The following AOAH variants were observed in gnomAD, a reference collection of about 807,000 sequenced individuals.
AOAH encodes acyloxyacyl hydrolase (neutrophil).
Under a neutral mutation model 92.2 loss-of-function variants are expected in AOAH, and 64 were observed. That is an observed-to-expected ratio of 0.69 (90% CI 0.57 to 0.86). The LOEUF is 0.86. Among genes scored for constraint, AOAH ranks in the 40% least tolerant of loss-of-function variants. AOAH has a pLI of 0.00. For missense variants in AOAH, 656 were observed against 694.6 expected, an observed-to-expected ratio of 0.94 and a Z score of 0.62; for synonymous variants, 263 against 254.5, an observed-to-expected ratio of 1.03 and a Z score of -0.32.
At chr7:36,621,415 A>AT in intron 8 of AOAH, among the ~76,000 whole-genome samples, 1 of 152,316 alleles carries the variant, frequency 6.6e-6, no homozygotes, top group African/African-American at 2.4e-5. Context: ...TAATCTGTTC[A>AT]CTTGATTGTT....
At chr7:36,723,980 G>T in intron 1 of AOAH, 42 bp downstream of exon 1, 1 of 1,596,570 alleles carries the variant, frequency 6.3e-7, no homozygotes, top group Non-Finnish European at 8.5e-7. Flanking sequence ...GGATCCCATT[G>T]TTATGTCTAC....
chr7:36,549,472 G>A lies in AOAH; in HGVS notation c.1025C>T (p.Ala342Val). 1 of 1,586,998 alleles carries A rather than the reference G, an allele frequency of 6.3e-7. No homozygotes were observed. ...RDYQNISRNG[A>V]SSRNLKKFIE... ...AAATTTCTTCAGGTTTCGGGAAGAT[G>A]CACCTGAATAATTAAAATTAAGAAA... The change falls in exon 14 of 21, where the codon GCA becomes GTA. Residue 342 changes from alanine to valine, a missense_variant. Coordinates refer to ENST00000617537, the MANE Select transcript of AOAH (RefSeq NM_001637.4).
At chr7:36,604,511 G>A (rs985010291) in intron 11 of AOAH, among the ~76,000 whole-genome samples, 1 of 152,202 alleles carries the variant, frequency 6.6e-6, no homozygotes, top group Non-Finnish European at 1.5e-5. Flanking sequence ...CTTAGTCTCT[G>A]TTGCAGCCTG....
intron 20 of AOAH, among the ~76,000 whole-genome samples, chr7:36,517,232 C>CTT (rs1783824811): frequency 9.4e-5 from 6 of 63,950 alleles, no homozygotes; most frequent in East Asian, 4.8e-4. Flanking sequence ...TTCTGTCTCT[C>CTT]TCTCTCTCTC....
rs2046547975 is a variant in AOAH at position 36,631,362 on chromosome 7, AAAAG to A, written c.521+670_521+673del. Reference sequence around the variant, plus strand: ...CACTCCATCATCTCAAAAAAAAAAAAAAAGAAGTAGCTTAGTGGAGGGTAGACCC... The same window carrying A: ...CACTCCATCATCTCAAAAAAAAAAAAAAGTAGCTTAGTGGAGGGTAGACCC... On this transcript the variant is annotated intron_variant, in intron 6 of 20. Coordinates refer to ENST00000617537, the MANE Select transcript of AOAH (RefSeq NM_001637.4). 4.6e-5 allele frequency among the ~76,000 whole-genome samples: 7 copies of A among 151,888 alleles called. No homozygotes were observed. The South Asian group carries it at 1.5e-3, about 32-fold the overall frequency.
intron 5 of AOAH, among the ~76,000 whole-genome samples, chr7:36,637,255 A>G (rs1363266244): frequency 6.6e-6 from 1 of 152,232 alleles, no homozygotes; most frequent in Non-Finnish European, 1.5e-5. Flanking sequence ...AGTCCTAGCC[A>G]AGATCCCAGA....
At chr7:36,686,351 G>A (rs1235292109) in intron 2 of AOAH, among the ~76,000 whole-genome samples, 2 of 152,092 alleles carry the variant, frequency 1.3e-5, no homozygotes, top group South Asian at 4.1e-4. Flanking sequence ...AAAATTATTG[G>A]AAGTTATTCA....
chr7:36,716,632 A>G (rs1361015268), intron 1 of AOAH, among the ~76,000 whole-genome samples: 6 of 92,486 alleles, frequency 6.5e-5, no homozygotes, highest in Non-Finnish European at 2.3e-5. Context: ...ACCATGGAAT[A>G]CTATGCAGCC....
intron 1 of AOAH, among the ~76,000 whole-genome samples, chr7:36,694,671 G>A (rs549408610): frequency 2.4e-4 from 36 of 152,216 alleles, no homozygotes; most frequent in Admixed American, 1.8e-3. Context: ...AATGTCCTCT[G>A]TATAAACCAA....
chr7:36,629,775 G>A (rs1792942124), intron 6 of AOAH, among the ~76,000 whole-genome samples: 1 of 152,182 alleles, frequency 6.6e-6, no homozygotes, highest in Non-Finnish European at 1.5e-5. Flanking sequence ...GATGTTCAGT[G>A]GACTTAGTAC....
At chr7:36,539,032 G>C (rs1785255446) in intron 16 of AOAH, among the ~76,000 whole-genome samples, 1 of 152,198 alleles carries the variant, frequency 6.6e-6, no homozygotes, top group African/African-American at 2.4e-5. Flanking sequence ...TTTCCTGAGG[G>C]AGAAGTGGGG....
intron 3 of AOAH, 133 bp from the exon 4 acceptor site, chr7:36,659,398 C>T (rs1795069548): frequency 1.4e-6 from 1 of 695,692 alleles, no homozygotes; most frequent in African/African-American, 1.8e-5. Context: ...GGCCTTTGAC[C>T]CCAATCCCGG....
chr7:36,535,711 T>G (rs1386675299), intron 16 of AOAH, among the ~76,000 whole-genome samples: 1 of 151,662 alleles, frequency 6.6e-6, no homozygotes, highest in Non-Finnish European at 1.5e-5. Flanking sequence ...AGGGTCCATG[T>G]GCTGAGTTCG....
intron 1 of AOAH, among the ~76,000 whole-genome samples, chr7:36,693,593 T>G (rs913121419): frequency 3.9e-5 from 6 of 152,294 alleles, no homozygotes; most frequent in African/African-American, 1.4e-4. Context: ...ACTAAAAACG[T>G]GTATAAAACT....
intron 11 of AOAH, among the ~76,000 whole-genome samples, chr7:36,598,706 T>A (rs938371879): frequency 6.6e-6 from 1 of 152,198 alleles, no homozygotes; most frequent in Non-Finnish European, 1.5e-5. Context: ...ATATTTTTTT[T>A]CCTTAGTAAA....
At chr7:36,537,506 G>T (rs1276059507) in intron 16 of AOAH, among the ~76,000 whole-genome samples, 9 of 134,796 alleles carry the variant, frequency 6.7e-5, no homozygotes, top group Non-Finnish European at 1.1e-4. Context: ...CACCCCTCTT[G>T]TTTTTTTTTT....
At chr7:36,707,774 T>C (rs1798516598) in intron 1 of AOAH, among the ~76,000 whole-genome samples, 1 of 152,132 alleles carries the variant, frequency 6.6e-6, no homozygotes, top group Non-Finnish European at 1.5e-5. Context: ...GGTATCAAGA[T>C]TTACTTCTCT....
At chr7:36,652,179 C>T (rs1438291017) in intron 4 of AOAH, among the ~76,000 whole-genome samples, 1 of 151,422 alleles carries the variant, frequency 6.6e-6, no homozygotes, top group East Asian at 1.9e-4. Flanking sequence ...AGTACCAGAA[C>T]ATAAAGTAGT....
chr7:36,675,338 A>G (rs1211379448), intron 2 of AOAH, among the ~76,000 whole-genome samples: 1 of 152,236 alleles, frequency 6.6e-6, no homozygotes, highest in South Asian at 2.1e-4. Context: ...TTAAAGAAAT[A>G]AAAAGGATTA....
Sources: gnomAD v4.1 joint callset for allele counts (sites outside exome capture counted in the v4.1 genomes callset) on GRCh38, gnomAD v4.1.1 for gene constraint, MANE v1.5 for transcripts, NCBI Gene and HGNC (gene_info 2026-07-23, HGNC 2026-07-21) for gene names.